The following CEACAM1 variants were observed in gnomAD, a reference collection of about 807,000 sequenced individuals.
CEACAM1 encodes CEA cell adhesion molecule 1, also known as cell adhesion molecule CEACAM1.
In CEACAM1, 31 loss-of-function variants were observed where a neutral mutation model predicts 49.1. The ratio of observed to expected loss-of-function variants is 0.63; its 90% CI spans 0.47 to 0.85. The LOEUF is 0.85. Among genes scored for constraint, CEACAM1 ranks in the 40% least tolerant of loss-of-function variants. CEACAM1 has a pLI of 0.00. For synonymous variants in CEACAM1, 244 were observed against 247.8 expected (o/e 0.98, Z 0.14); for missense variants, 570 against 645.3 (o/e 0.88, Z 1.26).
intron 6 of CEACAM1, 41 bp from the exon 7 acceptor site, chr19:42,511,669 C>T: frequency 6.3e-7 from 1 of 1,597,280 alleles, no homozygotes; most frequent in Non-Finnish European, 8.6e-7. Context: ...TTCCCAAGCA[C>T]AGGATCTTTG....
intron 5 of CEACAM1, chr19:42,516,787 CT>C (rs1310432349): frequency 2.8e-6 from 1 of 361,928 alleles, no homozygotes; most frequent in East Asian, 1.0e-4. Context: ...AATCTTAGCA[CT>C]TTGGGAGGTG....
intron 3 of CEACAM1, 72 bp from the exon 4 acceptor site, chr19:42,521,593 CCA>C: frequency 6.4e-7 from 1 of 1,567,026 alleles, no homozygotes; most frequent in Non-Finnish European, 8.7e-7. Context: ...TGGAGAAGGG[CCA>C]CAGTGTTCCT....
intron 4 of CEACAM1, 97 bp from the exon 5 acceptor site, chr19:42,519,332 C>T: frequency 1.6e-6 from 2 of 1,260,390 alleles, no homozygotes; most frequent in East Asian, 4.6e-5. Context: ...TTAGCCAGCT[C>T]TCAGGTCCCA....
At chr19:42,518,747 G>C (rs192504419) in intron 5 of CEACAM1, 2 of 614,644 alleles carry the variant, frequency 3.3e-6, no homozygotes, top group African/African-American at 3.7e-5. Context: ...TGATCCGCCC[G>C]CCTTGGCCTC....
chr19:42,511,913 T>C (rs2041466448), intron 6 of CEACAM1, among the ~76,000 whole-genome samples: 2 of 152,126 alleles, frequency 1.3e-5, no homozygotes, highest in African/African-American at 4.8e-5. Context: ...GATACTTTTT[T>C]TTTTTTCTCT....
At position 42,522,119 on chromosome 19, in the gene CEACAM1, C is replaced by T. The variant is rs1354421787; in HGVS notation, c.508G>A (p.Glu170Lys). 1 of 1,614,208 alleles carries T rather than the reference C, an allele frequency of 6.2e-7. No individual in the cohort carries two copies. Among genetic ancestry groups the T allele is most frequent in the South Asian group, 1.1e-5 (1 of 91,074 alleles). Residue 170 changes from glutamate (E) to lysine (K), a missense_variant, in exon 3 of 9, where the codon GAG (glutamate) becomes AAG (lysine). Coordinates refer to ENST00000161559, the MANE Select transcript of CEACAM1 (RefSeq NM_001712.5). ...KDAVAFTCEP[E>K]TQDTTYLWWI... ...CACAGGTAGGTTGTGTCCTGAGTCTCAGGTTCACAGGTGAAGGCCACAGCA... is the reference window on the plus strand; with the variant it reads ...CACAGGTAGGTTGTGTCCTGAGTCTTAGGTTCACAGGTGAAGGCCACAGCA...
intron 2 of CEACAM1, among the ~76,000 whole-genome samples, chr19:42,522,450 G>A (rs543974913): frequency 9.3e-5 from 14 of 151,016 alleles, no homozygotes; most frequent in South Asian, 2.1e-4. Context: ...GGGTTTCACC[G>A]TGTTGCCCAG....
In CEACAM1 at chr19:42,517,626, C is replaced by A. The variant is rs143580520; in HGVS notation, c.1246+1322G>T. Among the ~76,000 whole-genome samples, 3 of 152,256 alleles carry A rather than the reference C, an allele frequency of 2.0e-5. No individual in the cohort carries two copies. In the East Asian group the frequency reaches 5.8e-4, roughly 29 times the overall value. Reference sequence around the variant, plus strand: ...GCAAATCAAAACTCCAATGATATACCACCTTATAACCATTAGGATGGCCAT... The same window carrying A: ...GCAAATCAAAACTCCAATGATATACAACCTTATAACCATTAGGATGGCCAT... On this transcript the variant is annotated intron_variant, in intron 5 of 8. Transcript: ENST00000161559.
chr19:42,522,545 T>C (rs936981894), intron 2 of CEACAM1, among the ~76,000 whole-genome samples: 1 of 151,286 alleles, frequency 6.6e-6, no homozygotes, highest in Non-Finnish European at 1.5e-5. Context: ...CCACCGTGCC[T>C]GGCTGGGCAT....
intron 5 of CEACAM1, among the ~76,000 whole-genome samples, chr19:42,516,480 A>G (rs888270830): frequency 6.6e-5 from 10 of 152,332 alleles, no homozygotes; most frequent in Admixed American, 5.9e-4. Flanking sequence ...AATACAAAAC[A>G]TTGCCAAAAG....
chr19:42,509,531 T>G (rs144538794), intron 8 of CEACAM1, among the ~76,000 whole-genome samples: 25 of 152,338 alleles, frequency 1.6e-4, no homozygotes, highest in African/African-American at 6.0e-4. Flanking sequence ...AGGATATGTT[T>G]TATTTCTCCT....
At chr19:42,523,542 CT>C (rs775010084) in intron 2 of CEACAM1, among the ~76,000 whole-genome samples, 5 of 152,198 alleles carry the variant, frequency 3.3e-5, no homozygotes, top group Non-Finnish European at 7.3e-5. Context: ...CCTTTTCCCC[CT>C]GAAAAGAGCA....
Position 42,512,342 on chromosome 19 carries a change from C to T in CEACAM1, c.1376+8G>A. 3 of 1,613,926 alleles carry T rather than the reference C, an allele frequency of 1.9e-6. No homozygotes were observed. Among genetic ancestry groups the T allele is most frequent in the Non-Finnish European group, 2.5e-6 (3 of 1,179,860 alleles). ...GAGGAAACAGAACAAGAGGAAAGGC[C>T]ATCATACCTGCCGGTCTTCCCGAAA... On this transcript the variant is annotated splice_region_variant and intron_variant, in intron 6 of 8. Coordinates refer to ENST00000161559, the MANE Select transcript of CEACAM1 (RefSeq NM_001712.5).
intron 7 of CEACAM1, 56 bp downstream of exon 7, chr19:42,511,520 G>C: frequency 2.8e-6 from 4 of 1,418,268 alleles, no homozygotes; most frequent in Non-Finnish European, 4.0e-6. Context: ...TCCCTGCCAG[G>C]GGAGGGCACG....
chr19:42,525,041 A>G (rs1433177956), intron 2 of CEACAM1, among the ~76,000 whole-genome samples: 1 of 152,074 alleles, frequency 6.6e-6, no homozygotes, highest in Non-Finnish European at 1.5e-5. Context: ...TCATTCATTC[A>G]TTCGTGAGAG....
In CEACAM1 at chr19:42,519,249, G is replaced by A. The variant is rs2041679654; in HGVS notation, c.959-14C>T. 5.6e-6 allele frequency: 9 copies of A among 1,613,224 alleles called. No individual in the cohort carries two copies. The highest frequency in any genetic ancestry group is 7.6e-6 in the Non-Finnish European group (9 of 1,179,802). ...CTGGACTTAGCTCTGTGGACAAGCAGAGTATCTGAGATAACCTACTGAGAA... is the reference window on the plus strand; with the variant it reads ...CTGGACTTAGCTCTGTGGACAAGCAAAGTATCTGAGATAACCTACTGAGAA... On this transcript the variant is annotated splice_polypyrimidine_tract_variant and intron_variant, in intron 4 of 8. Transcript: ENST00000161559.
At chr19:42,528,173 A>G (rs1354100141) in intron 1 of CEACAM1, 138 bp downstream of exon 1, 2 of 654,846 alleles carry the variant, frequency 3.1e-6, no homozygotes, top group South Asian at 2.0e-5. Context: ...TATGATCTCT[A>G]TCCCTTTCAT....
chr19:42,510,751 G>T, intron 8 of CEACAM1, 138 bp downstream of exon 8: 2 of 772,890 alleles, frequency 2.6e-6, no homozygotes, highest in Non-Finnish European at 2.3e-6. Flanking sequence ...TCATGGGAGT[G>T]ATTACAAATA....
At chr19:42,514,576 C>A (rs778289373) in intron 5 of CEACAM1, among the ~76,000 whole-genome samples, 1 of 152,202 alleles carries the variant, frequency 6.6e-6, no homozygotes, top group Non-Finnish European at 1.5e-5. Flanking sequence ...CTGTGTCTAG[C>A]CTATTTCTTG....
Sources: allele counts gnomAD v4.1 joint callset (sites outside exome capture counted in the v4.1 genomes callset), GRCh38; gene constraint gnomAD v4.1.1; transcripts MANE v1.5; gene names NCBI Gene and HGNC (gene_info 2026-07-23, HGNC 2026-07-21).